The following TULP2 variants were observed in gnomAD, a reference collection of about 807,000 sequenced individuals.
TULP2 encodes TUB like protein 2, also known as tubby-related protein 2.
In TULP2, 64 loss-of-function variants were observed where a neutral mutation model predicts 60.3. The ratio of observed to expected loss-of-function variants is 1.06; its 90% CI spans 0.87 to 1.31. The LOEUF is 1.31. TULP2 is among the 50% of genes most tolerant of loss of function. The probability of loss-of-function intolerance (pLI) is 0.00; values close to 1 mark genes in which losing one functional copy is unlikely to be tolerated. For missense variants in TULP2, 652 were observed against 667.0 expected, an observed-to-expected ratio of 0.98 and a Z score of 0.25; for synonymous variants, 267 against 265.4, an observed-to-expected ratio of 1.01 and a Z score of -0.06.
Position 48,888,139 on chromosome 19 carries a change from C to T in TULP2, c.759G>A (p.Met253Ile), listed in dbSNP as rs1354506036. 6.2e-7 allele frequency: 1 copy of T among 1,614,222 alleles called. No individual in the cohort carries two copies. The highest frequency in any genetic ancestry group is 1.7e-5 in the Admixed American group (1 of 60,018). ...KGEGGTDSDH[M>I]RHEASLAIRS... ...GGATTGCCAAGGAGGCTTCGTGCCT[C>T]ATATGGTCGCTGTCCGTGCCACCCT... Residue 253 changes from methionine (M) to isoleucine (I), a missense_variant, in exon 8 of 13, where the codon ATG becomes ATA. Met to Ile is a conservative substitution (Grantham distance 10, BLOSUM62 1). Coordinates refer to ENST00000221399, the MANE Select transcript of TULP2 (RefSeq NM_003323.3).
Position 48,897,961 on chromosome 19 carries a change from T to C in TULP2, c.-1-92A>G, listed in dbSNP as rs2037297605. 1.1e-6 allele frequency: 1 copy of C among 895,312 alleles called. No homozygotes were observed. Among genetic ancestry groups the C allele is most frequent in the Non-Finnish European group, 1.5e-6 (1 of 657,760 alleles). 55.5% of individuals were successfully genotyped at this position (895,312 alleles called of 1,614,324 possible). On this transcript the variant is annotated intron_variant, in intron 1 of 12. Transcript: ENST00000221399. The surrounding 1 kb of genome is among the most constrained non-coding windows in gnomAD (Gnocchi z 4.0). ...CTAATCTTTAGCCTTATTTATTTAT[T>C]TATTTATTTATTTATTTATGTATTT... is the stretch of plus-strand genomic sequence containing the variant.
intron 8 of TULP2, among the ~76,000 whole-genome samples, chr19:48,887,276 G>GCTAGGATTACA (rs1379593382): frequency 7.5e-6 from 1 of 132,884 alleles, no homozygotes; most frequent in Non-Finnish European, 1.6e-5. Context: ...CTCCCAAAGT[G>GCTAGGATTACA]CTAGGATTAC....
chr19:48,896,149 C>T (rs957473937), intron 4 of TULP2, among the ~76,000 whole-genome samples: 6 of 152,134 alleles, frequency 3.9e-5, no homozygotes, highest in African/African-American at 1.2e-4. Context: ...TCATCACATT[C>T]TCTTGCCCCT....
intron 7 of TULP2, among the ~76,000 whole-genome samples, chr19:48,889,275 G>A (rs188382146): frequency 3.9e-5 from 6 of 152,204 alleles, no homozygotes; most frequent in Middle Eastern, 3.4e-3. Flanking sequence ...CATACCATAA[G>A]CTGTATTTTA....
rs1342601922 is a variant in TULP2, at chr19:48,881,097, C to T, written c.1477G>A (p.Val493Met). ...TCCATGGTGAATGTGTCTGGGCCCA[C>T]TCGGCCGAACTGGAGCACCAGATGT... ...QEHLVLQFGR[V>M]GPDTFTMDFC... Residue 493 changes from valine to methionine, a missense_variant, in exon 13 of 13, where the codon GTG becomes ATG. Physicochemically the swap from Val to Met is conservative, Grantham distance 21. Transcript: ENST00000221399. 6.8e-6 allele frequency: 11 copies of T among 1,613,300 alleles called. No individual in the cohort carries two copies. The highest frequency in any genetic ancestry group is 9.3e-6 in the Non-Finnish European group (11 of 1,179,572).
rs1390905146 is a variant in TULP2, at chr19:48,898,656, G to A, written c.-68C>T. 2 of 152,234 alleles carry A rather than the reference G, an allele frequency of 1.3e-5. No individual in the cohort carries two copies. The highest frequency in any genetic ancestry group is 4.8e-5 in the African/African-American group (2 of 41,512). The allele number at this position is 152,234 out of a possible 1,614,324, so 9.4% of individuals were successfully genotyped here. A position where few individuals can be genotyped will look rare whatever the true frequency, so the allele number is the denominator to read the frequency against. On this transcript the variant is annotated 5_prime_UTR_variant, in exon 1 of 13. Coordinates refer to ENST00000221399, the MANE Select transcript of TULP2 (RefSeq NM_003323.3). ...TCTGCGAAATAGGGAGGAGAAGAAA[G>A]ACGGCTCAGAGGGAGGGAGGATTCC...
At chr19:48,882,290 G>A (rs1003491338) in intron 11 of TULP2, 87 bp from the exon 12 acceptor site, 4 of 1,461,498 alleles carry the variant, frequency 2.7e-6, no homozygotes, top group Non-Finnish European at 3.8e-6. Flanking sequence ...GAACAGGGGC[G>A]ACTCCATCTT....
chr19:48,891,404 G>A (rs1042908899), intron 6 of TULP2, among the ~76,000 whole-genome samples: 2 of 151,930 alleles, frequency 1.3e-5, no homozygotes, highest in Non-Finnish European at 2.9e-5. Flanking sequence ...AGGCGGAGGT[G>A]GGCGGATCAC....
Position 48,881,142 on chromosome 19 carries a change from G to A in TULP2, c.1448-16C>T. On this transcript the variant is annotated splice_polypyrimidine_tract_variant and intron_variant, in intron 12 of 12. Coordinates refer to ENST00000221399, the MANE Select transcript of TULP2 (RefSeq NM_003323.3). The stretch of plus-strand genomic sequence containing the variant: ...AGATGTTCTTCTGAGAAGTGAATCA[G>A]GAACAAAGCCTTAGCCTGACTCTCT... 6.3e-7 allele frequency: 1 copy of A among 1,591,932 alleles called. No homozygotes were observed. Among genetic ancestry groups the A allele is most frequent in the Non-Finnish European group, 8.6e-7 (1 of 1,162,070 alleles).
At chr19:48,884,493 G>A (rs1039765625) in intron 9 of TULP2, among the ~76,000 whole-genome samples, 9 of 151,518 alleles carry the variant, frequency 5.9e-5, no homozygotes, top group African/African-American at 1.5e-4. Flanking sequence ...AAATGAGGCC[G>A]GGTACGGTGG....
At position 48,887,311 on chromosome 19, in the gene TULP2, C is replaced by CTTTTTTTTTTTTT. The variant is rs58640342; in HGVS notation, c.948+626_948+638dup. Reference sequence around the variant, plus strand: ...CAAGTGTGAGCCACCGCGCCCAGCCCTTTTTTTTTTTTTTTTTTTTTTTTT... The same window carrying CTTTTTTTTTTTTT: ...CAAGTGTGAGCCACCGCGCCCAGCCCTTTTTTTTTTTTTTTTTTTTTTTTTTTTTTTTTTTTTT... On this transcript the variant is annotated intron_variant, in intron 8 of 12. Transcript: ENST00000221399. 1.2e-3 allele frequency among the ~76,000 whole-genome samples: 49 copies of CTTTTTTTTTTTTT among 39,378 alleles called. 13 individuals are homozygous for CTTTTTTTTTTTTT. Among genetic ancestry groups the CTTTTTTTTTTTTT allele is most frequent in the Non-Finnish European group, 1.9e-3 (36 of 19,332 alleles). The allele number at this position is 39,378 out of a possible 152,430, so 25.8% of individuals were successfully genotyped here.
intron 8 of TULP2, among the ~76,000 whole-genome samples, chr19:48,886,306 A>T (rs530293627): frequency 1.3e-5 from 2 of 152,142 alleles, no homozygotes; most frequent in Non-Finnish European, 2.9e-5. Context: ...CTCAAAAAAA[A>T]AAAAAAAAGA....
intron 12 of TULP2, 98 bp downstream of exon 12, chr19:48,881,934 A>T: frequency 1.3e-6 from 2 of 1,547,876 alleles, no homozygotes; most frequent in East Asian, 2.2e-5. Flanking sequence ...CCCTGCCTAG[A>T]AAAACGCTCA....
chr19:48,889,415 T>C, intron 7 of TULP2, 95 bp downstream of exon 7: 2 of 1,481,318 alleles, frequency 1.4e-6, no homozygotes, highest in Non-Finnish European at 1.8e-6. Context: ...AAAAAGAGCT[T>C]CTGATTGGGT....
rs1410113415 is a variant in TULP2 at position 48,895,153 on chromosome 19, T to C, written c.359A>G (p.Asn120Ser). The C allele has an allele frequency of 3.7e-6, 6 of 1,613,402 alleles. No individual in the cohort carries two copies. The highest frequency in any genetic ancestry group is 1.7e-5 in the Admixed American group (1 of 59,764). ...PTPRTEAVFR[N>S]LGLQSPFLSW... is the part of the protein sequence containing the mutation. ...TAAGAAAGGGGACTGGAGACCGAGATTCCTGAACACTGAGGAAGGAAGGAG... is the reference window on the plus strand; with the variant it reads ...TAAGAAAGGGGACTGGAGACCGAGACTCCTGAACACTGAGGAAGGAAGGAG... The change falls in exon 6 of 13, where the codon AAT becomes AGT. Residue 120 changes from asparagine to serine, a missense_variant. Transcript: ENST00000221399.
chr19:48,892,219 C>G (rs563216598), intron 6 of TULP2, among the ~76,000 whole-genome samples: 1 of 152,332 alleles, frequency 6.6e-6, no homozygotes, highest in East Asian at 1.9e-4. Context: ...CCCACGAGGC[C>G]ATATCTCAGG....
chr19:48,894,920 G>T (rs1600024924), intron 6 of TULP2, 78 bp downstream of exon 6: 1 of 1,504,528 alleles, frequency 6.6e-7, no homozygotes, highest in East Asian at 2.3e-5. Context: ...CTTCAGTGAA[G>T]CTGCTGCCTA....
At chr19:48,887,343 T>TTA (rs1568571174) in intron 8 of TULP2, among the ~76,000 whole-genome samples, 3 of 88,762 alleles carry the variant, frequency 3.4e-5, no homozygotes, top group African/African-American at 1.9e-4. Flanking sequence ...TTTTTTTTTT[T>TTA]ATGCAGAGTC....
chr19:48,893,811 C>T (rs1463590151), intron 6 of TULP2, among the ~76,000 whole-genome samples: 2 of 152,196 alleles, frequency 1.3e-5, no homozygotes, highest in Non-Finnish European at 2.9e-5. Context: ...ACCTTTGCCT[C>T]CCAAAGTGCT....
Sources: allele counts gnomAD v4.1 joint callset (sites outside exome capture counted in the v4.1 genomes callset), GRCh38; gene constraint gnomAD v4.1.1; non-coding constraint Gnocchi (gnomAD v3.1); transcripts MANE v1.5; gene names NCBI Gene and HGNC (gene_info 2026-07-23, HGNC 2026-07-21).